XPNPEP1: variants seen among roughly 807,000 people sequenced by gnomAD.
The protein encoded by XPNPEP1 is X-prolyl aminopeptidase 1.
In XPNPEP1, 39 loss-of-function variants were observed where a neutral mutation model predicts 92.4. The ratio of observed to expected loss-of-function variants is 0.42; its 90% CI spans 0.33 to 0.55. The LOEUF (loss-of-function observed/expected upper bound fraction) is 0.55, where lower values mean the gene tolerates loss of function less well. Among genes scored for constraint, XPNPEP1 ranks in the 20% least tolerant of loss-of-function variants. The pLI is 0.08. For synonymous variants in XPNPEP1, 307 were observed against 299.4 expected (o/e 1.03, Z -0.26); for missense variants, 654 against 856.1 (o/e 0.76, Z 2.95).
At chr10:109,897,413 A>G (rs74154908) in intron 3 of XPNPEP1, among the ~76,000 whole-genome samples, 7,996 of 152,160 alleles carry the variant, frequency 0.053, 729 homozygotes, top group African/African-American at 0.18. Flanking sequence ...TCCATACCCT[A>G]CCTTGGATAA....
chr10:109,890,122 G>A (rs915365247), intron 5 of XPNPEP1, among the ~76,000 whole-genome samples: 13 of 152,308 alleles, frequency 8.5e-5, no homozygotes, highest in Middle Eastern at 3.4e-3. Context: ...CTCGACTGAG[G>A]AAACTAGGAA....
At chr10:109,882,152 A>T (rs372108018) in intron 10 of XPNPEP1, among the ~76,000 whole-genome samples, 2 of 152,340 alleles carry the variant, frequency 1.3e-5, no homozygotes, top group East Asian at 3.8e-4. Flanking sequence ...TTTTTCTATT[A>T]TATGCTAAAT....
intron 2 of XPNPEP1, among the ~76,000 whole-genome samples, chr10:109,914,776 AC>A (rs1177640701): frequency 6.0e-4 from 84 of 139,116 alleles, no homozygotes; most frequent in African/African-American, 1.0e-3. Flanking sequence ...AGGCTGGGTG[AC>A]CAAGGGCGAG....
At chr10:109,890,454 C>T (rs1474913575) in intron 5 of XPNPEP1, among the ~76,000 whole-genome samples, 2 of 151,854 alleles carry the variant, frequency 1.3e-5, no homozygotes, top group African/African-American at 4.8e-5. Flanking sequence ...ATACATGTTG[C>T]GGGTGCTTGA....
At chr10:109,872,929 A>G (rs1386176081) in intron 16 of XPNPEP1, among the ~76,000 whole-genome samples, 1 of 152,206 alleles carries the variant, frequency 6.6e-6, no homozygotes, top group Admixed American at 6.5e-5. Flanking sequence ...TTCCATGCCA[A>G]TCATACCAGA....
rs1048652219 is a variant in XPNPEP1 at position 109,889,527 on chromosome 10, C to G, written c.416-932G>C. 9.8e-5 allele frequency among the ~76,000 whole-genome samples: 15 copies of G among 152,360 alleles called. No homozygotes were observed. The Middle Eastern group carries it at 0.014, about 138-fold the overall frequency. On this transcript the variant is annotated intron_variant, in intron 5 of 20. Coordinates refer to ENST00000502935, the MANE Select transcript of XPNPEP1 (RefSeq NM_020383.4). ...GGGTTCCCCAACTCCCAGGATGAGA[C>G]AGCCCTTTCTGTTTCTAAGACGCTA...
chr10:109,869,633 C>A (rs780741119), intron 19 of XPNPEP1, among the ~76,000 whole-genome samples: 9 of 152,140 alleles, frequency 5.9e-5, no homozygotes, highest in Non-Finnish European at 1.3e-4. Flanking sequence ...CTCAGAGCCC[C>A]AAATCATGTG....
Position 109,910,805 on chromosome 10 carries a change from C to A in XPNPEP1, c.122-2990G>T, listed in dbSNP as rs1314644630. 2.0e-5 allele frequency among the ~76,000 whole-genome samples: 3 copies of A among 152,194 alleles called. No homozygotes were observed. In the South Asian group the frequency reaches 6.2e-4, roughly 31 times the overall value. ...TTTTTGGTGTTTTGGAGTTTGCCAACTCATTTTTTAACAAAAATATTTTAC... is the reference window on the plus strand; with the variant it reads ...TTTTTGGTGTTTTGGAGTTTGCCAAATCATTTTTTAACAAAAATATTTTAC... On this transcript the variant is annotated intron_variant, in intron 2 of 20. Coordinates refer to ENST00000502935, the MANE Select transcript of XPNPEP1 (RefSeq NM_020383.4).
chr10:109,868,812 T>A, intron 19 of XPNPEP1, 100 bp from the exon 20 acceptor site: 2 of 1,118,902 alleles, frequency 1.8e-6, no homozygotes, highest in South Asian at 2.7e-5. Flanking sequence ...GAGCCAGGGG[T>A]AACTGGGAGC....
intron 1 of XPNPEP1, among the ~76,000 whole-genome samples, chr10:109,918,924 G>T (rs1850369361): frequency 1.5e-5 from 2 of 130,810 alleles, no homozygotes; most frequent in Admixed American, 1.6e-4. Flanking sequence ...AGGAGAGAGA[G>T]AAAAAAGAAA....
At position 109,908,596 on chromosome 10, in the gene XPNPEP1, G is replaced by A. The variant is rs575120272; in HGVS notation, c.122-781C>T. Among the ~76,000 whole-genome samples, 14 of 151,994 alleles carry A rather than the reference G, an allele frequency of 9.2e-5. No homozygotes were observed. In the South Asian group the frequency reaches 1.2e-3, roughly 14 times the overall value. On this transcript the variant is annotated intron_variant, in intron 2 of 20. Transcript: ENST00000502935. ...CAGCCTGGCAAAAGACCAAGACTCC[G>A]TCTCAAAAAACAAAACAAAACAAAC...
chr10:109,871,904 T>C (rs1847504578), intron 16 of XPNPEP1, 43 bp from the exon 17 acceptor site: 1 of 1,582,928 alleles, frequency 6.3e-7, no homozygotes, highest in Non-Finnish European at 8.6e-7. Context: ...TGGGGACAGA[T>C]GTCTAATCCT....
Position 109,882,740 on chromosome 10 carries a change from A to G in XPNPEP1, c.831-98T>C, listed in dbSNP as rs1589569819. On this transcript the variant is annotated intron_variant, in intron 9 of 20. Coordinates refer to ENST00000502935, the MANE Select transcript of XPNPEP1 (RefSeq NM_020383.4). ...TACACATCAGGCTCTGTTTCCTGGCAACCAAAACCAAGCCCCTTTTCTCTC... is the reference window on the plus strand; with the variant it reads ...TACACATCAGGCTCTGTTTCCTGGCGACCAAAACCAAGCCCCTTTTCTCTC... 21 of 1,301,588 alleles carry G rather than the reference A, an allele frequency of 1.6e-5. No homozygotes were observed. In the East Asian group the frequency reaches 5.2e-4, roughly 32 times the overall value. The allele number at this position is 1,301,588 out of a possible 1,614,324, so 80.6% of individuals were successfully genotyped here.
chr10:109,888,578 T>G lies in XPNPEP1; in HGVS notation c.433A>C (p.Thr145Pro), dbSNP rs759432545. Residue 145 changes from threonine to proline, a missense_variant, in exon 6 of 21, where the codon ACT becomes CCT. Transcript: ENST00000502935. ...LMKMGLKDTP[T>P]QEDWLVSVLP... Reference sequence around the variant, plus strand: ...ACACTCACCAGCCAGTCTTCCTGAGTTGGTGTGTCCTTCAGACCTACAGGG... The same window carrying G: ...ACACTCACCAGCCAGTCTTCCTGAGGTGGTGTGTCCTTCAGACCTACAGGG... 6.2e-7 allele frequency: 1 copy of G among 1,608,550 alleles called. No individual in the cohort carries two copies. Among genetic ancestry groups the G allele is most frequent in the East Asian group, 2.2e-5 (1 of 44,754 alleles).
Position 109,888,043 on chromosome 10 carries a change from T to A in XPNPEP1, c.652+6A>T. 6.2e-7 allele frequency: 1 copy of A among 1,613,876 alleles called. No homozygotes were observed. The highest frequency in any genetic ancestry group is 8.5e-7 in the Non-Finnish European group (1 of 1,179,966). ...GGCCCTGCTGGGCAGAACCATTGAT[T>A]CTGACCTGTGTAATCCAGGCCCAGT... On this transcript the variant is annotated splice_donor_region_variant and intron_variant, in intron 7 of 20. Transcript: ENST00000502935.
chr10:109,871,068 T>TTCTCAG (rs1847441928), intron 17 of XPNPEP1, 164 bp from the exon 18 acceptor site: 1 of 748,632 alleles, frequency 1.3e-6, no homozygotes, highest in Admixed American at 3.3e-5. Flanking sequence ...TCAGAGCTCC[T>TTCTCAG]GAGAAACCAT....
intron 3 of XPNPEP1, among the ~76,000 whole-genome samples, chr10:109,897,407 T>C (rs975304455): frequency 6.6e-6 from 1 of 152,202 alleles, no homozygotes; most frequent in African/African-American, 2.4e-5. Flanking sequence ...CACTTATCCA[T>C]ACCCTACCTT....
At chr10:109,893,894 A>C (rs1848835833) in intron 3 of XPNPEP1, 1 of 152,264 alleles carries the variant, frequency 6.6e-6, no homozygotes, top group Non-Finnish European at 1.5e-5. Flanking sequence ...CTGAAGCCCT[A>C]TGCCAGGCTG....
At chr10:109,917,704 A>G (rs1850267893) in intron 1 of XPNPEP1, among the ~76,000 whole-genome samples, 1 of 152,184 alleles carries the variant, frequency 6.6e-6, no homozygotes, top group African/African-American at 2.4e-5. Flanking sequence ...CTTGAAAAGA[A>G]CTCTTCCATC....
Sources: gnomAD v4.1 joint callset for allele counts (sites outside exome capture counted in the v4.1 genomes callset) on GRCh38, gnomAD v4.1.1 for gene constraint, MANE v1.5 for transcripts, NCBI Gene and HGNC (gene_info 2026-07-23, HGNC 2026-07-21) for gene names.